The following RBFOX1 variants were observed in gnomAD, a reference collection of about 807,000 sequenced individuals.
The protein encoded by RBFOX1 is RNA binding fox-1 homolog 1.
Under a neutral mutation model 57.7 loss-of-function variants are expected in RBFOX1, and 8 were observed. The ratio of observed to expected loss-of-function variants is 0.14; its 90% confidence interval spans 0.08 to 0.25. The LOEUF (loss-of-function observed/expected upper bound fraction) is 0.25. Among genes scored for constraint, RBFOX1 ranks in the 10% least tolerant of loss-of-function variants. The probability of loss-of-function intolerance (pLI) is 1.00; values close to 1 mark genes in which losing one functional copy is unlikely to be tolerated. For missense variants in RBFOX1, 611 were observed against 548.5 expected (o/e 1.11, Z -1.14); for synonymous variants, 326 against 222.4 (o/e 1.47, Z -4.15).
chr16:6,292,615 C>T (rs1169887647), intron 1 of RBFOX1, among the ~76,000 whole-genome samples: 1 of 152,080 alleles, frequency 6.6e-6, no homozygotes, highest in African/African-American at 2.4e-5. Flanking sequence ...CTCATGGAGT[C>T]AATTTGTTTT....
intron 3 of RBFOX1, among the ~76,000 whole-genome samples, chr16:6,712,575 A>G (rs1217215590): frequency 6.6e-6 from 1 of 152,176 alleles, no homozygotes; most frequent in Admixed American, 6.6e-5. Flanking sequence ...GCTTCAGTCC[A>G]ATGTCATCCA....
intron 1 of RBFOX1, among the ~76,000 whole-genome samples, chr16:6,159,675 C>G (rs897908017): frequency 1.3e-5 from 2 of 152,158 alleles, no homozygotes; most frequent in African/African-American, 4.8e-5. Flanking sequence ...ATGTTAATAT[C>G]AAGAAGTATG....
At chr16:6,385,794 C>A (rs2092227631) in intron 2 of RBFOX1, among the ~76,000 whole-genome samples, 1 of 150,736 alleles carries the variant, frequency 6.6e-6, no homozygotes, top group Non-Finnish European at 1.5e-5. Context: ...CAAGTTATTC[C>A]CTTGCTGTGA....
intron 4 of RBFOX1, among the ~76,000 whole-genome samples, chr16:7,447,792 G>C (rs570488465): frequency 6.6e-6 from 1 of 152,326 alleles, no homozygotes; most frequent in Non-Finnish European, 1.5e-5. Flanking sequence ...AAGGTTATAG[G>C]TCTTGTTATG....
At chr16:6,988,492 C>CT (rs1160364838) in intron 3 of RBFOX1, among the ~76,000 whole-genome samples, 6 of 151,976 alleles carry the variant, frequency 3.9e-5, no homozygotes, top group Non-Finnish European at 8.8e-5. Flanking sequence ...ACATATTGGG[C>CT]TAAATATATT....
intron 1 of RBFOX1, among the ~76,000 whole-genome samples, chr16:6,227,071 C>T (rs2097423659): frequency 6.6e-6 from 1 of 151,878 alleles, no homozygotes; most frequent in Admixed American, 6.6e-5. Flanking sequence ...TTGCAGTGAG[C>T]CGAGATTGTG....
At chr16:5,432,115 C>T (rs2067756871) in intron 1 of RBFOX1, among the ~76,000 whole-genome samples, 1 of 152,104 alleles carries the variant, frequency 6.6e-6, no homozygotes, top group Admixed American at 6.5e-5. Flanking sequence ...AAGGGAGCCC[C>T]TTCTAGGGCC....
intron 10 of RBFOX1, among the ~76,000 whole-genome samples, chr16:7,609,052 T>C (rs2056907944): frequency 6.6e-6 from 1 of 152,202 alleles, no homozygotes; most frequent in African/African-American, 2.4e-5. Flanking sequence ...TGTGCAAAGC[T>C]GCAAGGAAAT....
chr16:6,507,462 G>A (rs1366776287), intron 2 of RBFOX1, among the ~76,000 whole-genome samples: 1 of 137,040 alleles, frequency 7.3e-6, no homozygotes, highest in African/African-American at 2.8e-5. Flanking sequence ...ATAGAACCTA[G>A]GAGTTGGAAA....
chr16:5,362,331 C>G (rs532259930), intron 1 of RBFOX1, among the ~76,000 whole-genome samples: 150 of 152,204 alleles, frequency 9.9e-4, no homozygotes, highest in African/African-American at 3.6e-3. Context: ...TCTGGGACTA[C>G]AGGTGCACGC....
At chr16:5,395,549 T>A (rs1308589797) in intron 1 of RBFOX1, among the ~76,000 whole-genome samples, 1 of 152,182 alleles carries the variant, frequency 6.6e-6, no homozygotes, top group Non-Finnish European at 1.5e-5. Flanking sequence ...TAGCCTTAGG[T>A]TTTTAAAACT....
intron 3 of RBFOX1, among the ~76,000 whole-genome samples, chr16:6,776,946 A>T (rs1403606676): frequency 6.6e-6 from 1 of 152,216 alleles, no homozygotes; most frequent in Admixed American, 6.5e-5. Flanking sequence ...ATTGTTCATA[A>T]ATTATCTGAG....
intron 1 of RBFOX1, among the ~76,000 whole-genome samples, chr16:6,268,388 A>T (rs925018306): frequency 1.3e-5 from 2 of 152,174 alleles, no homozygotes; most frequent in Non-Finnish European, 2.9e-5. Context: ...CTGTCTTGGT[A>T]TGAAGCACAG....
At chr16:5,729,995 C>T (rs2052303499) in intron 3 of RBFOX1, among the ~76,000 whole-genome samples, 1 of 152,140 alleles carries the variant, frequency 6.6e-6, no homozygotes, top group Non-Finnish European at 1.5e-5. Context: ...CTGGTCCATG[C>T]CCGCAAAGGG....
At chr16:5,405,698 G>A (rs1284283273) in intron 1 of RBFOX1, among the ~76,000 whole-genome samples, 1 of 152,210 alleles carries the variant, frequency 6.6e-6, no homozygotes, top group Non-Finnish European at 1.5e-5. Context: ...GCTCATGGGA[G>A]GCAGACTTGG....
intron 2 of RBFOX1, among the ~76,000 whole-genome samples, chr16:6,635,937 T>C (rs545377277): frequency 1.2e-4 from 18 of 152,302 alleles, no homozygotes; most frequent in Admixed American, 5.2e-4. Flanking sequence ...CATAATGAGG[T>C]ATCTTGGGGA....
At chr16:5,835,395 T>G (rs2056426102) in intron 3 of RBFOX1, among the ~76,000 whole-genome samples, 1 of 152,210 alleles carries the variant, frequency 6.6e-6, no homozygotes, top group South Asian at 2.1e-4. Flanking sequence ...GTGCTACACA[T>G]CTGGATTCAT....
At chr16:6,605,097 G>A (rs2097908222) in intron 2 of RBFOX1, among the ~76,000 whole-genome samples, 1 of 151,790 alleles carries the variant, frequency 6.6e-6, no homozygotes, top group African/African-American at 2.4e-5. Flanking sequence ...AAATTAGCTG[G>A]GCACAGTGGT....
chr16:7,320,843 G>A (rs1355158421), intron 4 of RBFOX1, among the ~76,000 whole-genome samples: 1 of 152,222 alleles, frequency 6.6e-6, no homozygotes, highest in African/African-American at 2.4e-5. Context: ...TGTAAGGGGA[G>A]TGTTATTGCC....
Sources: gnomAD v4.1 joint callset for allele counts (sites outside exome capture counted in the v4.1 genomes callset) on GRCh38, gnomAD v4.1.1 for gene constraint, MANE v1.5 for transcripts, NCBI Gene and HGNC (gene_info 2026-07-23, HGNC 2026-07-21) for gene names.